Variants in LYG1 observed in about 807,000 individuals in gnomAD.
LYG1 encodes the protein lysozyme g1.
A neutral mutation model predicts 21.7 loss-of-function variants in LYG1; 17 were observed. The ratio of observed to expected loss-of-function variants is 0.78; its 90% CI spans 0.54 to 1.18. The LOEUF (loss-of-function observed/expected upper bound fraction) is 1.18, where lower values mean the gene tolerates loss of function less well. Ranked by LOEUF, LYG1 falls within the 50% of genes most tolerant of loss-of-function variation. The probability of loss-of-function intolerance (pLI) is 0.00; values close to 1 mark genes in which losing one functional copy is unlikely to be tolerated. For synonymous variants in LYG1, 81 were observed against 87.4 expected (o/e 0.93, Z 0.41); for missense variants, 211 against 238.1 (o/e 0.89, Z 0.75).
intron 3 of LYG1, among the ~76,000 whole-genome samples, chr2:99,294,161 G>A (rs1039790212): frequency 3.3e-5 from 5 of 152,104 alleles, no homozygotes; most frequent in Admixed American, 6.6e-5. Flanking sequence ...CAATTTGCCC[G>A]CCTCGACCTC....
At chr2:99,291,849 C>A (rs772113548) in intron 4 of LYG1, among the ~76,000 whole-genome samples, 1 of 152,232 alleles carries the variant, frequency 6.6e-6, no homozygotes, top group South Asian at 2.1e-4. Context: ...AGTTTGTTCA[C>A]AATTGCACAG....
At chr2:99,290,693 T>C (rs1035829138) in intron 5 of LYG1, among the ~76,000 whole-genome samples, 1 of 152,218 alleles carries the variant, frequency 6.6e-6, no homozygotes, top group Admixed American at 6.5e-5. Flanking sequence ...GAAGTCTCTA[T>C]CTGGCAAGTG....
Position 99,284,387 on chromosome 2 carries a change from G to A in LYG1, c.*6C>T. The A allele has an allele frequency of 6.2e-7, 1 of 1,612,876 alleles. No individual in the cohort carries two copies. The highest frequency in any genetic ancestry group is 8.5e-7 in the Non-Finnish European group (1 of 1,178,904). ...GTGATCATGGTCTTGGGTTTCATCT[G>A]AGATGTTAGAAGCCATGTCTCTTGA... On this transcript the variant is annotated 3_prime_UTR_variant, in exon 7 of 7. Coordinates refer to ENST00000308528, the MANE Select transcript of LYG1 (RefSeq NM_174898.3).
intron 5 of LYG1, 25 bp downstream of exon 5, chr2:99,291,212 C>A (rs2094117036): frequency 6.2e-7 from 1 of 1,607,586 alleles, no homozygotes. Context: ...AGAATGGCCA[C>A]ATGTGTCAAC....
At chr2:99,294,482 A>G (rs1282151081) in intron 3 of LYG1, among the ~76,000 whole-genome samples, 1 of 150,754 alleles carries the variant, frequency 6.6e-6, no homozygotes, top group Admixed American at 6.8e-5. Context: ...TCTTTTATGA[A>G]TATACTAAAA....
intron 5 of LYG1, among the ~76,000 whole-genome samples, chr2:99,290,858 T>G (rs2094115938): frequency 6.6e-6 from 1 of 152,218 alleles, no homozygotes; most frequent in Admixed American, 6.5e-5. Flanking sequence ...ATAATAATGC[T>G]GTAAGAATGG....
At chr2:99,288,664 G>C (rs188616005) in intron 5 of LYG1, among the ~76,000 whole-genome samples, 24 of 152,218 alleles carry the variant, frequency 1.6e-4, no homozygotes, top group Admixed American at 6.5e-4. Flanking sequence ...CGCCTCCCAG[G>C]CTCCAGCGAT....
intron 6 of LYG1, 66 bp from the exon 7 acceptor site, chr2:99,284,577 C>T: frequency 6.3e-7 from 1 of 1,592,162 alleles, no homozygotes. Flanking sequence ...ATTCTCTTTA[C>T]TAACTACCTA....
At chr2:99,293,716 A>G (rs2094127657) in intron 3 of LYG1, among the ~76,000 whole-genome samples, 1 of 152,132 alleles carries the variant, frequency 6.6e-6, no homozygotes, top group Non-Finnish European at 1.5e-5. Context: ...TCACACCAGG[A>G]GGAGAGTGCA....
upstream of LYG1, among the ~76,000 whole-genome samples, chr2:99,303,894 G>A (rs537931695): frequency 9.3e-5 from 14 of 151,260 alleles, no homozygotes; most frequent in Non-Finnish European, 1.6e-4. Context: ...AACCCCGGCC[G>A]GGCACGGTGG....
At chr2:99,285,708 C>T (rs2094097595) in intron 5 of LYG1, among the ~76,000 whole-genome samples, 2 of 152,190 alleles carry the variant, frequency 1.3e-5, no homozygotes, top group African/African-American at 2.4e-5. Flanking sequence ...TCTCATTCTC[C>T]ACCCAGCTAC....
intron 3 of LYG1, among the ~76,000 whole-genome samples, chr2:99,292,985 CTTTTTTTT>C (rs70940159): frequency 3.6e-5 from 3 of 83,164 alleles, no homozygotes; most frequent in Non-Finnish European, 6.3e-5. Context: ...CCTCATCTTA[CTTTTTTTT>C]TTTTTTTTTT....
chr2:99,296,641 A>C (rs2094137477), intron 2 of LYG1, among the ~76,000 whole-genome samples: 1 of 151,684 alleles, frequency 6.6e-6, no homozygotes, highest in Non-Finnish European at 1.5e-5. Context: ...AAGCCCTGCC[A>C]CTCCAGGGTG....
At chr2:99,287,740 AT>A (rs1249539332) in intron 5 of LYG1, among the ~76,000 whole-genome samples, 2 of 152,004 alleles carry the variant, frequency 1.3e-5, no homozygotes, top group African/African-American at 4.8e-5. Context: ...TTAAATTTCC[AT>A]ATGATCAGAG....
chr2:99,295,730 T>C, intron 2 of LYG1, 28 bp from the exon 3 acceptor site: 1 of 1,598,256 alleles, frequency 6.3e-7, no homozygotes, highest in Non-Finnish European at 8.6e-7. Flanking sequence ...AGCTTGAGAA[T>C]ACAAAAATAT....
chr2:99,294,531 A>G (rs1306676566), intron 3 of LYG1, among the ~76,000 whole-genome samples: 4 of 152,130 alleles, frequency 2.6e-5, no homozygotes, highest in Admixed American at 6.5e-5. Context: ...TTTTTTAATC[A>G]GTGCACTTTT....
chr2:99,298,202 C>T (rs192142681), intron 2 of LYG1, among the ~76,000 whole-genome samples: 4 of 152,270 alleles, frequency 2.6e-5, no homozygotes, highest in Admixed American at 2.6e-4. Context: ...TGTTAATTCC[C>T]CTGTGGCTCC....
rs1185500583 is a variant in LYG1, at chr2:99,301,076, G to C, written c.-150C>G. ...TGTCTTCAGTCAGTGCTCCTCCTTAGAGGTGGTGAGCCCACAGCGATTTAT... is the reference window on the plus strand; with the variant it reads ...TGTCTTCAGTCAGTGCTCCTCCTTACAGGTGGTGAGCCCACAGCGATTTAT... On this transcript the variant is annotated 5_prime_UTR_variant, in exon 1 of 7. Transcript: ENST00000308528. The C allele has an allele frequency of 7.1e-6, 1 of 140,118 alleles. No homozygotes were observed. The highest frequency in any genetic ancestry group is 2.7e-5 in the African/African-American group (1 of 37,104). 8.7% of individuals were successfully genotyped at this position (140,118 alleles called of 1,614,324 possible).
intron 5 of LYG1, 65 bp from the exon 6 acceptor site, chr2:99,284,885 GCTC>G: frequency 6.4e-7 from 1 of 1,568,082 alleles, no homozygotes; most frequent in Non-Finnish European, 8.7e-7. Flanking sequence ...GGCTTACTGG[GCTC>G]AATGGCGCTT....
Sources: allele counts gnomAD v4.1 joint callset (sites outside exome capture counted in the v4.1 genomes callset), GRCh38; gene constraint gnomAD v4.1.1; transcripts MANE v1.5; gene names NCBI Gene and HGNC (gene_info 2026-07-23, HGNC 2026-07-21).